The following ESRRG variants were observed in gnomAD, a reference collection of about 807,000 sequenced individuals.
ESRRG encodes estrogen-related receptor gamma.
Under a neutral mutation model 44.0 loss-of-function variants are expected in ESRRG, and 13 were observed. That is an observed-to-expected ratio of 0.30 (90% confidence interval 0.19 to 0.47). The LOEUF is 0.47. Ranked by LOEUF, ESRRG falls within the 20% of genes least tolerant of loss-of-function variation. The probability of loss-of-function intolerance (pLI) is 1.00; values close to 1 mark genes in which losing one functional copy is unlikely to be tolerated. For missense variants in ESRRG, 395 were observed against 580.6 expected (o/e 0.68, Z 3.29); for synonymous variants, 215 against 214.6 (o/e 1.00, Z -0.02).
At chr1:216,774,214 T>C (rs557209076) in intron 2 of ESRRG, among the ~76,000 whole-genome samples, 8 of 152,180 alleles carry the variant, frequency 5.3e-5, no homozygotes, top group African/African-American at 9.6e-5. Flanking sequence ...AGAACTGGTA[T>C]TTTGGTAGCT....
intron 1 of ESRRG, among the ~76,000 whole-genome samples, chr1:217,051,208 G>GT (rs1553259270): frequency 1.6e-5 from 2 of 127,372 alleles, no homozygotes; most frequent in South Asian, 3.4e-4. Context: ...TGGGGGCGGG[G>GT]GGGGGGGGTG....
chr1:216,687,476 AT>A (rs536155521), intron 1 of ESRRG, among the ~76,000 whole-genome samples: 9 of 151,964 alleles, frequency 5.9e-5, no homozygotes, highest in Non-Finnish European at 1.3e-4. Context: ...TTTTGGAGTG[AT>A]TTTTTCCCTC....
intron 1 of ESRRG, among the ~76,000 whole-genome samples, chr1:216,988,789 C>T (rs548059251): frequency 1.3e-5 from 2 of 152,144 alleles, no homozygotes; most frequent in African/African-American, 4.8e-5. Context: ...CACTTCTGGG[C>T]TTTCTTCTCC....
intron 1 of ESRRG, chr1:216,707,393 T>A: frequency 6.5e-7 from 1 of 1,535,996 alleles, no homozygotes; most frequent in Non-Finnish European, 8.7e-7. Context: ...AGATCAGACT[T>A]GACTGCTCCA....
In ESRRG at chr1:216,530,957, T is replaced by G. The variant is rs1420239238; in HGVS notation, c.863-11536A>C. ...AAATGAAAATCCTTCAGGTGTGCTT[T>G]TCTCAATTTTCCTAAAATAGAAACT... On this transcript the variant is annotated intron_variant, in intron 5 of 6. Coordinates refer to ENST00000408911, the MANE Select transcript of ESRRG (RefSeq NM_001438.4). 2.0e-5 allele frequency among the ~76,000 whole-genome samples: 3 copies of G among 152,246 alleles called. No individual in the cohort carries two copies. The East Asian group carries it at 5.8e-4, about 29-fold the overall frequency.
intron 5 of ESRRG, among the ~76,000 whole-genome samples, chr1:216,553,072 C>T (rs1390970569): frequency 6.6e-6 from 1 of 151,976 alleles, no homozygotes; most frequent in African/African-American, 2.4e-5. Context: ...TTTGCCATGA[C>T]ACAGACAAAT....
chr1:216,964,970 A>G (rs1024344288), intron 1 of ESRRG, among the ~76,000 whole-genome samples: 1 of 152,182 alleles, frequency 6.6e-6, no homozygotes, highest in Non-Finnish European at 1.5e-5. Flanking sequence ...AGTTCAATAA[A>G]TTTCACAGAC....
At chr1:217,136,390 A>T (rs980862866) in intron 1 of ESRRG, among the ~76,000 whole-genome samples, 2 of 152,232 alleles carry the variant, frequency 1.3e-5, no homozygotes, top group African/African-American at 4.8e-5. Flanking sequence ...CCCAGAAGCG[A>T]CAATAACCCA....
chr1:216,519,504 C>T (rs2045411890), intron 5 of ESRRG, 83 bp from the exon 6 acceptor site: 1 of 1,321,814 alleles, frequency 7.6e-7, no homozygotes, highest in Non-Finnish European at 1.0e-6. Flanking sequence ...TAGCTGGCTT[C>T]TGCATCAGTG....
chr1:217,020,896 T>A (rs2080201188), intron 1 of ESRRG, among the ~76,000 whole-genome samples: 1 of 152,148 alleles, frequency 6.6e-6, no homozygotes, highest in Non-Finnish European at 1.5e-5. Context: ...GACTACCAAT[T>A]TTTTTAAAGA....
At chr1:217,081,133 A>G (rs1465832173) in intron 1 of ESRRG, among the ~76,000 whole-genome samples, 1 of 151,130 alleles carries the variant, frequency 6.6e-6, no homozygotes, top group East Asian at 1.9e-4. Flanking sequence ...TTATTGATCT[A>G]CTGCTTCATT....
intron 1 of ESRRG, among the ~76,000 whole-genome samples, chr1:216,681,526 C>T (rs1436813580): frequency 6.6e-6 from 1 of 152,046 alleles, no homozygotes; most frequent in African/African-American, 2.4e-5. Context: ...TAACAGCCTA[C>T]CTGAAATTTC....
intron 2 of ESRRG, among the ~76,000 whole-genome samples, chr1:216,799,456 T>G (rs898435968): frequency 6.8e-6 from 1 of 147,812 alleles, no homozygotes; most frequent in African/African-American, 2.4e-5. Flanking sequence ...TTATAATCAC[T>G]CAAGCAGGGA....
intron 3 of ESRRG, among the ~76,000 whole-genome samples, chr1:216,617,024 T>C (rs1298290959): frequency 6.6e-6 from 1 of 152,220 alleles, no homozygotes; most frequent in Non-Finnish European, 1.5e-5. Context: ...ACTACTGTAC[T>C]GCATCTGTCA....
chr1:216,944,319 A>T (rs1021931598), intron 1 of ESRRG, among the ~76,000 whole-genome samples: 1 of 152,208 alleles, frequency 6.6e-6, no homozygotes, highest in South Asian at 2.1e-4. Context: ...CCTTGAGTCT[A>T]GCACTTTGCC....
At chr1:216,987,128 A>AT (rs1314946830) in intron 1 of ESRRG, among the ~76,000 whole-genome samples, 7 of 152,182 alleles carry the variant, frequency 4.6e-5, no homozygotes, top group African/African-American at 1.7e-4. Flanking sequence ...ATTTTTCTGG[A>AT]TTTTTTAAAA....
intron 2 of ESRRG, among the ~76,000 whole-genome samples, chr1:216,873,497 A>C (rs915061594): frequency 7.9e-5 from 12 of 151,998 alleles, no homozygotes; most frequent in African/African-American, 2.9e-4. Flanking sequence ...TACAGGCATG[A>C]GCCACCGGGC....
At chr1:217,062,981 C>T (rs2088871953) in intron 1 of ESRRG, among the ~76,000 whole-genome samples, 1 of 152,240 alleles carries the variant, frequency 6.6e-6, no homozygotes, top group African/African-American at 2.4e-5. Flanking sequence ...TAGTATGTAC[C>T]TATGTGACCA....
intron 1 of ESRRG, among the ~76,000 whole-genome samples, chr1:217,013,775 C>A (rs1008480556): frequency 1.4e-5 from 2 of 139,286 alleles, no homozygotes; most frequent in African/African-American, 5.5e-5. Context: ...GTCATCCCCC[C>A]TGAAAGAGTG....
Sources: gnomAD v4.1 joint callset for allele counts (sites outside exome capture counted in the v4.1 genomes callset) on GRCh38, gnomAD v4.1.1 for gene constraint, MANE v1.5 for transcripts, NCBI Gene and HGNC (gene_info 2026-07-23, HGNC 2026-07-21) for gene names.